Variants in ASXL3 observed in about 807,000 individuals in gnomAD.
ASXL3 encodes the protein ASXL transcriptional regulator 3, also known as putative Polycomb group protein ASXL3.
ASXL3 carries 34 observed loss-of-function variants against 170.6 expected under a neutral mutation model. The ratio of observed to expected loss-of-function variants is 0.20; its 90% CI spans 0.15 to 0.27. The LOEUF is 0.27. Ranked by LOEUF, ASXL3 falls within the 10% of genes least tolerant of loss-of-function variation. ASXL3 has a pLI of 1.00. For missense variants in ASXL3, 2,592 were observed against 2,695.3 expected (o/e 0.96, Z 0.85); for synonymous variants, 1,002 against 989.1 (o/e 1.01, Z -0.24).
chr18:33,585,671 A>C (rs1396967041), intron 1 of ASXL3, among the ~76,000 whole-genome samples: 1 of 152,212 alleles, frequency 6.6e-6, no homozygotes, highest in Non-Finnish European at 1.5e-5. Flanking sequence ...GGCTTGTCAG[A>C]ACATTGCCTT....
intron 10 of ASXL3, among the ~76,000 whole-genome samples, chr18:33,737,374 C>T (rs2067566246): frequency 6.6e-6 from 1 of 152,076 alleles, no homozygotes; most frequent in African/African-American, 2.4e-5. Context: ...TGTTCTTTTT[C>T]CTCTAGAAAT....
At position 33,738,833 on chromosome 18, in the gene ASXL3, T is replaced by A; in HGVS notation, c.1429T>A (p.Ser477Thr). The A allele has an allele frequency of 1.2e-6, 2 of 1,613,636 alleles. No individual in the cohort carries two copies. The highest frequency in any genetic ancestry group is 1.7e-6 in the Non-Finnish European group (2 of 1,179,852). ...DENHKTIPEF[S>T]EEAESLTNSH... is the part of the protein sequence containing the mutation. Reference sequence around the variant, plus strand: ...AAATCATAAGACAATACCTGAATTTTCTGAGGAGGCTGAAAGTCTAACCAA... The same window carrying A: ...AAATCATAAGACAATACCTGAATTTACTGAGGAGGCTGAAAGTCTAACCAA... The change falls in exon 11 of 12, where the codon TCT becomes ACT. Residue 477 changes from serine to threonine, a missense_variant. Transcript: ENST00000269197.
chr18:33,578,696 C>G lies in ASXL3; in HGVS notation c.54+11C>G. 7.8e-7 allele frequency: 1 copy of G among 1,274,204 alleles called. No individual in the cohort carries two copies. The highest frequency in any genetic ancestry group is 1.0e-6 in the Non-Finnish European group (1 of 988,854). 78.9% of individuals were successfully genotyped at this position (1,274,204 alleles called of 1,614,324 possible). A position where few individuals can be genotyped will look rare whatever the true frequency, so the allele number is the denominator to read the frequency against. ...GAGGCTGCCCGCCTGGTACGTACCG[C>G]CCCCCACACGCCGCCCGCGCCTCCC... On this transcript the variant is annotated intron_variant, in intron 1 of 11. Transcript: ENST00000269197.
intron 8 of ASXL3, among the ~76,000 whole-genome samples, chr18:33,726,347 A>T (rs1313540965): frequency 6.6e-6 from 1 of 152,084 alleles, no homozygotes; most frequent in Non-Finnish European, 1.5e-5. Context: ...GGATTATTGT[A>T]AACCCTATAT....
intron 5 of ASXL3, among the ~76,000 whole-genome samples, chr18:33,663,904 C>T (rs545289311): frequency 1.3e-5 from 2 of 151,890 alleles, no homozygotes; most frequent in South Asian, 4.2e-4. Flanking sequence ...TGGCTATGAC[C>T]ATGTAGAATT....
intron 7 of ASXL3, among the ~76,000 whole-genome samples, chr18:33,682,899 G>A (rs990825098): frequency 5.3e-5 from 8 of 152,114 alleles, no homozygotes; most frequent in African/African-American, 1.9e-4. Context: ...CCTCAGAAAT[G>A]CCCTGAATAG....
At chr18:33,623,432 A>G (rs1230879947) in intron 2 of ASXL3, among the ~76,000 whole-genome samples, 1 of 152,162 alleles carries the variant, frequency 6.6e-6, no homozygotes, top group Non-Finnish European at 1.5e-5. Context: ...GTTATCTTGG[A>G]TAAGTCACTT....
chr18:33,607,905 A>G (rs1482118551), intron 2 of ASXL3, among the ~76,000 whole-genome samples: 1 of 152,012 alleles, frequency 6.6e-6, no homozygotes, highest in Non-Finnish European at 1.5e-5. Context: ...TTTCTTAACA[A>G]AGAACAGCAC....
chr18:33,693,595 A>G (rs2066722954), intron 8 of ASXL3, among the ~76,000 whole-genome samples: 1 of 152,128 alleles, frequency 6.6e-6, no homozygotes. Flanking sequence ...GGCCGTGAAA[A>G]GTGGCTTGGT....
In ASXL3 at chr18:33,685,911, C is replaced by A. The variant is rs545099113; in HGVS notation, c.879+2343C>A. Among the ~76,000 whole-genome samples the A allele has an allele frequency of 2.0e-5, 3 of 152,292 alleles. No homozygotes were observed. In the East Asian group the frequency reaches 5.8e-4, roughly 29 times the overall value. ...ATGAGCCAAACACCTCCCACTAGGC[C>A]CACCGCCAGTATTGGAGGTCACATT... On this transcript the variant is annotated intron_variant, in intron 8 of 11. Transcript: ENST00000269197.
intron 2 of ASXL3, among the ~76,000 whole-genome samples, chr18:33,634,694 T>G (rs569360858): frequency 2.6e-4 from 39 of 152,290 alleles, no homozygotes; most frequent in African/African-American, 9.4e-4. Flanking sequence ...CACTGGAGTA[T>G]TTAATATTTC....
At chr18:33,610,119 C>G (rs902794600) in intron 2 of ASXL3, among the ~76,000 whole-genome samples, 1 of 151,966 alleles carries the variant, frequency 6.6e-6, no homozygotes, top group African/African-American at 2.4e-5. Flanking sequence ...ATTTTGCCTA[C>G]TTAATGTACT....
At chr18:33,647,486 G>A (rs1315357217) in intron 4 of ASXL3, among the ~76,000 whole-genome samples, 1 of 152,072 alleles carries the variant, frequency 6.6e-6, no homozygotes, top group Non-Finnish European at 1.5e-5. Context: ...TGTGGTAATG[G>A]TGGAACCCTG....
At chr18:33,699,244 G>T (rs1436450462) in intron 8 of ASXL3, among the ~76,000 whole-genome samples, 1 of 152,086 alleles carries the variant, frequency 6.6e-6, no homozygotes, top group Non-Finnish European at 1.5e-5. Context: ...TTGAAAGCAG[G>T]CATTGTAAAT....
chr18:33,602,411 T>G (rs2065193650), intron 1 of ASXL3, among the ~76,000 whole-genome samples: 1 of 152,102 alleles, frequency 6.6e-6, no homozygotes, highest in African/African-American at 2.4e-5. Flanking sequence ...ACAACCTGAT[T>G]GAGCTGTGAA....
chr18:33,738,754 T>C lies in ASXL3; in HGVS notation c.1350T>C (p.Ile450=), dbSNP rs533566310. 92 of 1,613,914 alleles carry C rather than the reference T, an allele frequency of 5.7e-5. No individual in the cohort carries two copies. The South Asian group carries it at 9.9e-4, about 17-fold the overall frequency. The change falls in exon 11 of 12, where the codon ATT becomes ATC. Residue 450 remains isoleucine (I), a synonymous_variant. Coordinates refer to ENST00000269197, the MANE Select transcript of ASXL3 (RefSeq NM_030632.3). ...EDILIPEESV[I]QEEIAEEVET... ...TCTTGATCCCTGAAGAATCTGTAAT[T>C]CAGGAGGAAATTGCAGAAGAGGTAG...
intron 1 of ASXL3, among the ~76,000 whole-genome samples, chr18:33,588,990 C>T (rs1555716258): frequency 6.6e-6 from 1 of 152,088 alleles, no homozygotes; most frequent in African/African-American, 2.4e-5. Context: ...TTTTCTTCTA[C>T]TCTTCAGATC....
At chr18:33,676,751 C>G (rs2066437048) in intron 7 of ASXL3, among the ~76,000 whole-genome samples, 1 of 152,194 alleles carries the variant, frequency 6.6e-6, no homozygotes, top group African/African-American at 2.4e-5. Flanking sequence ...TTTTTCTTGC[C>G]TAATCAGTTG....
At chr18:33,604,887 C>T (rs2065227019) in intron 1 of ASXL3, among the ~76,000 whole-genome samples, 2 of 151,880 alleles carry the variant, frequency 1.3e-5, no homozygotes, top group Admixed American at 1.3e-4. Context: ...GGAAATAAGG[C>T]TTACTGTGGG....
Sources: gnomAD v4.1 joint callset for allele counts (sites outside exome capture counted in the v4.1 genomes callset) on GRCh38, gnomAD v4.1.1 for gene constraint, MANE v1.5 for transcripts, NCBI Gene and HGNC (gene_info 2026-07-23, HGNC 2026-07-21) for gene names.